The following SORCS2 variants were observed in gnomAD, a reference collection of about 807,000 sequenced individuals.
SORCS2 encodes sortilin related VPS10 domain containing receptor 2.
A neutral mutation model predicts 141.6 loss-of-function variants in SORCS2; 100 were observed. The ratio of observed to expected loss-of-function variants is 0.71; its 90% CI spans 0.60 to 0.83. The LOEUF is 0.83. SORCS2 is among the 40% of genes least tolerant of loss of function. SORCS2 has a pLI of 0.00. For missense variants in SORCS2, 1,646 were observed against 1,560.2 expected (o/e 1.05, Z -0.93); for synonymous variants, 789 against 676.9 (o/e 1.17, Z -2.57).
intron 1 of SORCS2, among the ~76,000 whole-genome samples, chr4:7,394,132 C>G (rs943398794): frequency 2.0e-5 from 3 of 152,030 alleles, no homozygotes; most frequent in Non-Finnish European, 4.4e-5. Flanking sequence ...GTCCCCAAGA[C>G]AGAGTGGAAG....
intron 2 of SORCS2, among the ~76,000 whole-genome samples, chr4:7,426,216 G>C (rs549146025): frequency 6.6e-6 from 1 of 150,626 alleles, no homozygotes; most frequent in East Asian, 1.9e-4. Context: ...CTTGTGGGGG[G>C]AAGCCCTGGG....
At chr4:7,586,944 C>G (rs1169720060) in intron 3 of SORCS2, among the ~76,000 whole-genome samples, 1 of 151,908 alleles carries the variant, frequency 6.6e-6, no homozygotes, top group Non-Finnish European at 1.5e-5. Context: ...TTCTTTTCTG[C>G]TTGGATGTTC....
chr4:7,738,568 C>T (rs776690802), intron 26 of SORCS2, among the ~76,000 whole-genome samples: 5 of 152,122 alleles, frequency 3.3e-5, no homozygotes, highest in Non-Finnish European at 7.4e-5. Context: ...CGGGGTTCTG[C>T]GGTAGCTTCT....
At chr4:7,628,079 G>C (rs762410421) in intron 3 of SORCS2, among the ~76,000 whole-genome samples, 1 of 152,232 alleles carries the variant, frequency 6.6e-6, no homozygotes, top group Non-Finnish European at 1.5e-5. Context: ...GTCATGTGAA[G>C]GCAGCTTGGG....
Position 7,416,111 on chromosome 4 carries a change from A to G in SORCS2, c.548+19756A>G, listed in dbSNP as rs77699876. On this transcript the variant is annotated intron_variant, in intron 2 of 26. Transcript: ENST00000507866. ...GCACTAGTGATCTAGCCAGGGTTGG[A>G]TTAAGGAGGCCTCATGTGCCGGCCG... Among the ~76,000 whole-genome samples, 41 of 152,218 alleles carry G rather than the reference A, an allele frequency of 2.7e-4. 1 individual carries two copies. In the East Asian group the frequency reaches 4.6e-3, roughly 17 times the overall value.
At chr4:7,434,693 G>A in intron 2 of SORCS2, 3 of 1,613,020 alleles carry the variant, frequency 1.9e-6, no homozygotes, top group South Asian at 1.1e-5. Flanking sequence ...ACGTCGCAGG[G>A]CAGAGACTTC....
At chr4:7,474,272 G>A (rs914827446) in intron 2 of SORCS2, among the ~76,000 whole-genome samples, 2 of 152,246 alleles carry the variant, frequency 1.3e-5, no homozygotes, top group African/African-American at 2.4e-5. Context: ...GAAACAGCAG[G>A]CTGGGCAGTG....
chr4:7,434,191 T>C (rs1390751300), intron 2 of SORCS2: 1 of 1,613,846 alleles, frequency 6.2e-7, no homozygotes, highest in Non-Finnish European at 8.5e-7. Flanking sequence ...GACAAAAAAC[T>C]GGAAGAGGTA....
Position 7,740,266 on chromosome 4 carries a change from G to T in SORCS2, c.*2G>T. The T allele has an allele frequency of 6.2e-7, 1 of 1,608,626 alleles. No individual in the cohort carries two copies. ...ATGCACAGCTACCTGGTGAGCTGATGCCACCCCAGCATCTGTCTTTTCACC... is the reference window on the plus strand; with the variant it reads ...ATGCACAGCTACCTGGTGAGCTGATTCCACCCCAGCATCTGTCTTTTCACC... On this transcript the variant is annotated 3_prime_UTR_variant, in exon 27 of 27. Coordinates refer to ENST00000507866, the MANE Select transcript of SORCS2 (RefSeq NM_020777.3).
At chr4:7,727,019 G>A (rs1727267000) in intron 21 of SORCS2, 116 bp downstream of exon 21, 3 of 1,318,174 alleles carry the variant, frequency 2.3e-6, no homozygotes, top group South Asian at 1.5e-5. Context: ...AGTGGCCCTG[G>A]GGTGGGGAGG....
chr4:7,629,059 G>A (rs2108843840), intron 3 of SORCS2, among the ~76,000 whole-genome samples: 1 of 152,218 alleles, frequency 6.6e-6, no homozygotes, highest in African/African-American at 2.4e-5. Context: ...GTCATCTGGA[G>A]TTCCCTTCCC....
intron 1 of SORCS2, among the ~76,000 whole-genome samples, chr4:7,352,290 G>A (rs1198774108): frequency 1.3e-5 from 2 of 152,208 alleles, no homozygotes; most frequent in African/African-American, 4.8e-5. Context: ...CGTATTGTAG[G>A]TTTCCAACAC....
intron 1 of SORCS2, among the ~76,000 whole-genome samples, chr4:7,240,551 C>T (rs888190888): frequency 2.0e-5 from 3 of 152,264 alleles, no homozygotes; most frequent in East Asian, 1.9e-4. Flanking sequence ...GTGGGAACTG[C>T]GCAATGCTGG....
intron 2 of SORCS2, among the ~76,000 whole-genome samples, chr4:7,525,981 T>TG (rs1365121998): frequency 8.5e-6 from 1 of 117,502 alleles, no homozygotes; most frequent in East Asian, 2.6e-4. Context: ...TGTCCCCTCC[T>TG]CACACCTGTC....
chr4:7,429,221 G>A (rs1026836809), intron 2 of SORCS2, among the ~76,000 whole-genome samples: 9 of 152,252 alleles, frequency 5.9e-5, no homozygotes, highest in South Asian at 2.1e-4. Flanking sequence ...ATGTCCCTGC[G>A]GCATGGCTGG....
chr4:7,587,232 T>C (rs1716595458), intron 3 of SORCS2, among the ~76,000 whole-genome samples: 1 of 151,588 alleles, frequency 6.6e-6, no homozygotes, highest in Non-Finnish European at 1.5e-5. Context: ...AGGAAGAGAG[T>C]TGAGGGGTTT....
intron 11 of SORCS2, among the ~76,000 whole-genome samples, chr4:7,696,115 A>G (rs1289135997): frequency 1.3e-5 from 2 of 152,218 alleles, no homozygotes; most frequent in African/African-American, 4.8e-5. Flanking sequence ...AGGACAATCC[A>G]TCTTCTTTGG....
At chr4:7,627,981 G>A (rs1379459577) in intron 3 of SORCS2, among the ~76,000 whole-genome samples, 6 of 152,218 alleles carry the variant, frequency 3.9e-5, no homozygotes, top group Non-Finnish European at 7.3e-5. Context: ...GGGGCCTGGC[G>A]AGGACGCCAG....
intron 1 of SORCS2, among the ~76,000 whole-genome samples, chr4:7,353,626 C>T (rs557255990): frequency 5.9e-5 from 9 of 152,298 alleles, no homozygotes; most frequent in Admixed American, 2.6e-4. Flanking sequence ...CTGCCCTGAG[C>T]GTGCTCTCTT....
Sources: gnomAD v4.1 joint callset for allele counts (sites outside exome capture counted in the v4.1 genomes callset) on GRCh38, gnomAD v4.1.1 for gene constraint, MANE v1.5 for transcripts, NCBI Gene and HGNC (gene_info 2026-07-23, HGNC 2026-07-21) for gene names.